BRINP3: variants seen among roughly 807,000 people sequenced by gnomAD.
BRINP3 encodes BMP/retinoic acid inducible neural specific 3, also known as BMP/retinoic acid-inducible neural-specific protein 3.
BRINP3 carries 19 observed loss-of-function variants against 71.0 expected under a neutral mutation model. That is an observed-to-expected ratio of 0.27 (90% CI 0.19 to 0.39). The LOEUF (loss-of-function observed/expected upper bound fraction) is 0.39, where lower values mean the gene tolerates loss of function less well. BRINP3 is among the 10% of genes least tolerant of loss of function. The pLI, the probability that BRINP3 is intolerant of heterozygous loss-of-function variation, is 1.00. For synonymous variants in BRINP3, 380 were observed against 337.7 expected (o/e 1.13, Z -1.37); for missense variants, 959 against 940.8 (o/e 1.02, Z -0.25).
At chr1:190,386,937 T>G (rs933583406) in intron 2 of BRINP3, among the ~76,000 whole-genome samples, 2 of 152,016 alleles carry the variant, frequency 1.3e-5, no homozygotes, top group East Asian at 3.9e-4. Flanking sequence ...AAATCAGGAC[T>G]TATCTTTTTG....
At chr1:190,344,599 T>C (rs1041721262) in intron 2 of BRINP3, among the ~76,000 whole-genome samples, 1 of 151,900 alleles carries the variant, frequency 6.6e-6, no homozygotes, top group Admixed American at 6.6e-5. Context: ...TTTCTGATAA[T>C]CATGGTTTCT....
chr1:190,175,406 C>T (rs375171001), intron 6 of BRINP3, among the ~76,000 whole-genome samples: 97 of 151,964 alleles, frequency 6.4e-4, no homozygotes, highest in African/African-American at 2.2e-3. Flanking sequence ...ATAAAAAGAA[C>T]GAAAATGAAA....
chr1:190,167,351 T>C (rs1396819984), intron 6 of BRINP3, among the ~76,000 whole-genome samples: 21 of 152,112 alleles, frequency 1.4e-4, no homozygotes. Context: ...AATTTTGACA[T>C]TAGAAATTCC....
At chr1:190,161,729 C>T (rs954313713) in intron 6 of BRINP3, among the ~76,000 whole-genome samples, 1 of 151,906 alleles carries the variant, frequency 6.6e-6, no homozygotes, top group Non-Finnish European at 1.5e-5. Flanking sequence ...AAGGTGGAAA[C>T]AACTAGACGG....
intron 2 of BRINP3, among the ~76,000 whole-genome samples, chr1:190,318,358 T>G (rs1468841048): frequency 1.3e-5 from 2 of 152,154 alleles, no homozygotes; most frequent in African/African-American, 4.8e-5. Context: ...AGAACTTAGA[T>G]GCAATAGTTT....
At chr1:190,229,340 CTT>C (rs540336179) in intron 5 of BRINP3, among the ~76,000 whole-genome samples, 3 of 152,088 alleles carry the variant, frequency 2.0e-5, no homozygotes, top group South Asian at 2.1e-4. Flanking sequence ...CAAACTCTCT[CTT>C]GTCTGCCCCC....
intron 2 of BRINP3, among the ~76,000 whole-genome samples, chr1:190,317,666 C>G (rs1360721427): frequency 6.6e-6 from 1 of 152,096 alleles, no homozygotes; most frequent in Non-Finnish European, 1.5e-5. Flanking sequence ...GAACAATTAT[C>G]ATATTCCAAA....
At chr1:190,202,978 T>C (rs964749108) in intron 6 of BRINP3, among the ~76,000 whole-genome samples, 2 of 152,098 alleles carry the variant, frequency 1.3e-5, no homozygotes, top group African/African-American at 4.8e-5. Context: ...AGATCCCCTA[T>C]ACTTGAGCTC....
intron 2 of BRINP3, among the ~76,000 whole-genome samples, chr1:190,430,742 C>T (rs990222209): frequency 6.6e-6 from 1 of 152,282 alleles, no homozygotes; most frequent in East Asian, 1.9e-4. Context: ...TGGCATACTA[C>T]ATTTTCTTCT....
chr1:190,283,032 C>T (rs1048831645), intron 2 of BRINP3, among the ~76,000 whole-genome samples: 2 of 151,956 alleles, frequency 1.3e-5, no homozygotes, highest in African/African-American at 4.8e-5. Flanking sequence ...GACAAAGGGA[C>T]ATGACACTGA....
chr1:190,304,312 T>C (rs1371312326), intron 2 of BRINP3, among the ~76,000 whole-genome samples: 1 of 151,860 alleles, frequency 6.6e-6, no homozygotes, highest in Non-Finnish European at 1.5e-5. Flanking sequence ...TGATTCACCA[T>C]ATTATTTTAT....
At chr1:190,298,349 ATTATC>A (rs1430034007) in intron 2 of BRINP3, among the ~76,000 whole-genome samples, 1 of 150,650 alleles carries the variant, frequency 6.6e-6, no homozygotes, top group Non-Finnish European at 1.5e-5. Flanking sequence ...GATTTTTGCT[ATTATC>A]TTTATGTTTT....
rs1199866362 is a variant in BRINP3, at chr1:190,454,857, A to C, written c.34T>G (p.Phe12Val). ...IWRSRAGAELFSLMALWEWIA... is the reference protein window; with the variant it reads ...IWRSRAGAELVSLMALWEWIA... ...CACTCCCATAGAGCCATCAGAGAGA[A>C]CAATTCAGCACCAGCTCTGCTTCGC... The change falls in exon 2 of 8, where the codon TTC (phenylalanine) becomes GTC (valine). Residue 12 changes from phenylalanine to valine, a missense_variant. Physicochemically the swap from Phe to Val is conservative, Grantham distance 50 (BLOSUM62 -1). Coordinates refer to ENST00000367462, the MANE Select transcript of BRINP3 (RefSeq NM_199051.3). The C allele has an allele frequency of 6.2e-7, 1 of 1,614,156 alleles. No individual in the cohort carries two copies. Among genetic ancestry groups the C allele is most frequent in the Non-Finnish European group, 8.5e-7 (1 of 1,180,024 alleles).
intron 6 of BRINP3, among the ~76,000 whole-genome samples, chr1:190,205,117 G>A (rs776356388): frequency 2.6e-5 from 4 of 152,048 alleles, no homozygotes; most frequent in Non-Finnish European, 5.9e-5. Context: ...ATGTTCAAGT[G>A]AGAGTTTGTT....
At chr1:190,135,893 C>T (rs1042744089) in intron 7 of BRINP3, among the ~76,000 whole-genome samples, 3 of 152,012 alleles carry the variant, frequency 2.0e-5, no homozygotes, top group Non-Finnish European at 4.4e-5. Flanking sequence ...ACTCTCTTAT[C>T]TCTATACCAA....
At chr1:190,190,118 A>C (rs1653903389) in intron 6 of BRINP3, among the ~76,000 whole-genome samples, 1 of 152,120 alleles carries the variant, frequency 6.6e-6, no homozygotes, top group Non-Finnish European at 1.5e-5. Flanking sequence ...TCACCAAGCA[A>C]GCCTTCATCC....
chr1:190,101,046 T>C (rs1262254148), intron 7 of BRINP3, among the ~76,000 whole-genome samples: 5 of 152,128 alleles, frequency 3.3e-5, no homozygotes, highest in Non-Finnish European at 7.4e-5. Flanking sequence ...TCTTCCACCA[T>C]GAGATGATGC....
At chr1:190,153,313 G>A (rs1490883967) in intron 7 of BRINP3, among the ~76,000 whole-genome samples, 1 of 152,094 alleles carries the variant, frequency 6.6e-6, no homozygotes, top group East Asian at 1.9e-4. Flanking sequence ...ACACATGAAA[G>A]ACATTTTGCA....
intron 7 of BRINP3, among the ~76,000 whole-genome samples, chr1:190,099,513 A>C (rs1354582904): frequency 6.6e-6 from 1 of 152,204 alleles, no homozygotes; most frequent in East Asian, 1.9e-4. Flanking sequence ...TAAGAAGAAG[A>C]AAGGTAAGTG....
Sources: allele counts gnomAD v4.1 joint callset (sites outside exome capture counted in the v4.1 genomes callset), GRCh38; gene constraint gnomAD v4.1.1; transcripts MANE v1.5; gene names NCBI Gene and HGNC (gene_info 2026-07-23, HGNC 2026-07-21).